MYLK: variants seen among roughly 807,000 people sequenced by gnomAD.
The protein encoded by MYLK is myosin light chain kinase, smooth muscle.
Under a neutral mutation model 203.4 loss-of-function variants are expected in MYLK, and 106 were observed. The ratio of observed to expected loss-of-function variants is 0.52; its 90% CI spans 0.45 to 0.61. MYLK has a LOEUF of 0.61. Ranked by LOEUF, MYLK falls within the 20% of genes least tolerant of loss-of-function variation. MYLK has a pLI of 0.00. For missense variants in MYLK, 2,072 were observed against 2,442.3 expected (o/e 0.85, Z 3.20); for synonymous variants, 867 against 959.5 (o/e 0.90, Z 1.78).
chr3:123,756,023 G>T (rs144760111), intron 4 of MYLK, among the ~76,000 whole-genome samples: 5 of 152,268 alleles, frequency 3.3e-5, no homozygotes, highest in African/African-American at 1.2e-4. Flanking sequence ...AGCTCACAAA[G>T]CCAGTCGTTT....
chr3:123,855,100 A>G (rs934706651), intron 2 of MYLK, among the ~76,000 whole-genome samples: 4 of 152,182 alleles, frequency 2.6e-5, no homozygotes, highest in African/African-American at 7.2e-5. Context: ...CTTTCAAAGT[A>G]TTAGGAGACA....
chr3:123,741,693 C>T (rs1283398617), intron 5 of MYLK, among the ~76,000 whole-genome samples: 4 of 152,238 alleles, frequency 2.6e-5, no homozygotes, highest in Non-Finnish European at 1.5e-5. Flanking sequence ...AAAGTTTACA[C>T]AGCTATTCAC....
chr3:123,632,416 G>A (rs2058471977), intron 29 of MYLK, among the ~76,000 whole-genome samples: 1 of 152,192 alleles, frequency 6.6e-6, no homozygotes, highest in African/African-American at 2.4e-5. Context: ...GTGGAATGCA[G>A]AAAGTTCCCC....
At chr3:123,752,608 G>T (rs2063233439) in intron 4 of MYLK, 70 bp from the exon 5 acceptor site, 4 of 1,441,874 alleles carry the variant, frequency 2.8e-6, no homozygotes, top group Non-Finnish European at 3.8e-6. Flanking sequence ...GGTATTGTTT[G>T]GAGTGCTTTA....
At chr3:123,844,610 C>A (rs890172294) in intron 2 of MYLK, among the ~76,000 whole-genome samples, 2 of 152,028 alleles carry the variant, frequency 1.3e-5, no homozygotes, top group African/African-American at 2.4e-5. Context: ...ACCACTCCAT[C>A]GGGTTGTGAT....
chr3:123,736,173 A>G (rs2062667203), intron 8 of MYLK, among the ~76,000 whole-genome samples: 1 of 152,186 alleles, frequency 6.6e-6, no homozygotes, highest in Admixed American at 6.5e-5. Context: ...ATGTCAAGTG[A>G]AATAGAGAAT....
chr3:123,759,463 G>C (rs1448071046), intron 4 of MYLK, among the ~76,000 whole-genome samples: 5 of 152,210 alleles, frequency 3.3e-5, no homozygotes, highest in African/African-American at 1.2e-4. Flanking sequence ...GCATTGCAGA[G>C]GTTTAACAAA....
At chr3:123,715,021 AAG>A (rs1383087100) in intron 13 of MYLK, among the ~76,000 whole-genome samples, 1 of 152,168 alleles carries the variant, frequency 6.6e-6, no homozygotes, top group Non-Finnish European at 1.5e-5. Flanking sequence ...CAATGTGAGG[AAG>A]AGAGAGGGGG....
intron 19 of MYLK, among the ~76,000 whole-genome samples, chr3:123,688,971 C>T (rs2060564504): frequency 6.6e-6 from 1 of 152,222 alleles, no homozygotes. Flanking sequence ...TAGAAAAGTC[C>T]CAAAAGCTGG....
intron 16 of MYLK, among the ~76,000 whole-genome samples, chr3:123,705,141 AC>A (rs2108617720): frequency 6.7e-6 from 1 of 149,710 alleles, no homozygotes; most frequent in African/African-American, 2.5e-5. Flanking sequence ...TGCACACCGG[AC>A]CCCCGGCTTC....
chr3:123,707,257 A>C (rs3180217), intron 16 of MYLK, among the ~76,000 whole-genome samples: 1 of 152,380 alleles, frequency 6.6e-6, no homozygotes, highest in Admixed American at 6.5e-5. Context: ...CCTTGGAAGC[A>C]GATCCTCCAG....
intron 24 of MYLK, among the ~76,000 whole-genome samples, chr3:123,653,823 C>T (rs914422107): frequency 7.2e-5 from 11 of 152,158 alleles, no homozygotes; most frequent in African/African-American, 2.7e-4. Context: ...TAGCACAGAC[C>T]TGGATGATTT....
intron 8 of MYLK, 150 bp from the exon 9 acceptor site, chr3:123,735,566 C>A: frequency 1.2e-6 from 1 of 812,898 alleles, no homozygotes; most frequent in Non-Finnish European, 2.1e-6. Flanking sequence ...CTTTGAACTC[C>A]CCCCAGCCCT....
chr3:123,791,775 G>A (rs2064793327), intron 4 of MYLK, among the ~76,000 whole-genome samples: 4 of 152,156 alleles, frequency 2.6e-5, no homozygotes, highest in African/African-American at 9.7e-5. Context: ...TACATTTTAA[G>A]AATACTGCAG....
At chr3:123,662,411 T>G (rs2059592457) in intron 23 of MYLK, among the ~76,000 whole-genome samples, 1 of 151,884 alleles carries the variant, frequency 6.6e-6, no homozygotes, top group African/African-American at 2.4e-5. Context: ...AAAAACTGCT[T>G]GAGAACTAAG....
rs1576794660 is a variant in MYLK, at chr3:123,737,429, C to T, written c.703G>A (p.Val235Met). The T allele has an allele frequency of 6.2e-7, 1 of 1,614,198 alleles. No homozygotes were observed. The highest frequency in any genetic ancestry group is 8.5e-7 in the Non-Finnish European group (1 of 1,180,036). ...QDDVGVYTCL[V>M]VNGSGKASMS... ...GAGGCCTTCCCCGACCCGTTCACCA[C>T]CAGGCACGTGTACACTCCCACGTCA... The change falls in exon 8 of 34, where the codon GTG (valine) becomes ATG (methionine). Residue 235 changes from valine (V) to methionine (M), a missense_variant. By Grantham distance (21) the Val-to-Met change is conservative. This residue lies in a region of MYLK where 683 missense variants were observed against 643.8 expected (regional missense o/e 1.06). Coordinates refer to ENST00000360304, the MANE Select transcript of MYLK (RefSeq NM_053025.4).
intron 2 of MYLK, among the ~76,000 whole-genome samples, chr3:123,833,266 C>T (rs374131567): frequency 6.6e-6 from 1 of 152,154 alleles, no homozygotes; most frequent in African/African-American, 2.4e-5. Flanking sequence ...GTCTCATAAG[C>T]TAATCCAGGC....
intron 14 of MYLK, chr3:123,709,530 T>C (rs1178517077): frequency 4.9e-6 from 3 of 616,630 alleles, no homozygotes; most frequent in East Asian, 2.9e-5. Context: ...TCTAGCTCTA[T>C]GGCCATCTTC....
Position 123,655,840 on chromosome 3 carries a change from A to T in MYLK, c.4288+1286T>A, listed in dbSNP as rs552497442. Among the ~76,000 whole-genome samples, 11 of 152,360 alleles carry T rather than the reference A, an allele frequency of 7.2e-5. No individual in the cohort carries two copies. In the East Asian group the frequency reaches 2.1e-3, roughly 29 times the overall value. ...TGGGATTGGATGAAATGATGCATATAAAGTGATTAACACATCGTAAGCTTA... is the reference window on the plus strand; with the variant it reads ...TGGGATTGGATGAAATGATGCATATTAAGTGATTAACACATCGTAAGCTTA... On this transcript the variant is annotated intron_variant, in intron 24 of 33. Coordinates refer to ENST00000360304, the MANE Select transcript of MYLK (RefSeq NM_053025.4).
Sources: allele counts gnomAD v4.1 joint callset (sites outside exome capture counted in the v4.1 genomes callset), GRCh38; gene constraint gnomAD v4.1.1; regional missense constraint gnomAD v4.1.1; transcripts MANE v1.5; gene names NCBI Gene and HGNC (gene_info 2026-07-23, HGNC 2026-07-21).